The following IMPG1 variants were observed in gnomAD, a reference collection of about 807,000 sequenced individuals.
The protein encoded by IMPG1 is interphotoreceptor matrix proteoglycan of 150 kDa.
Under a neutral mutation model 92.0 loss-of-function variants are expected in IMPG1, and 85 were observed. The ratio of observed to expected loss-of-function variants is 0.92; its 90% CI spans 0.78 to 1.11. IMPG1 has a LOEUF of 1.11. IMPG1 is among the 50% of genes least tolerant of loss of function. The pLI, the probability that IMPG1 is intolerant of heterozygous loss-of-function variation, is 0.00. For synonymous variants in IMPG1, 367 were observed against 334.1 expected, an observed-to-expected ratio of 1.10 and a Z score of -1.08; for missense variants, 1,022 against 956.0, an observed-to-expected ratio of 1.07 and a Z score of -0.91.
In IMPG1 at chr6:76,042,026, A is replaced by G; in HGVS notation, c.168T>C (p.Thr56=). The G allele has an allele frequency of 6.2e-7, 1 of 1,612,842 alleles. No individual in the cohort carries two copies. Among genetic ancestry groups the G allele is most frequent in the South Asian group, 1.1e-5 (1 of 91,050 alleles). The part of the protein sequence containing the change: ...ESTEKMYKMS[T]MRRIFDLAKH... ...TTGCCAAATCGAATATTCGTCTCATAGTTGACATTTTGTACATTTTTTCAG... is the reference window on the plus strand; with the variant it reads ...TTGCCAAATCGAATATTCGTCTCATGGTTGACATTTTGTACATTTTTTCAG... The change falls in exon 2 of 17, where the codon ACT becomes ACC. Residue 56 remains threonine (T), a synonymous_variant. Transcript: ENST00000369950.
At chr6:75,926,269 A>G (rs975943167) in intron 15 of IMPG1, among the ~76,000 whole-genome samples, 6 of 152,212 alleles carry the variant, frequency 3.9e-5, no homozygotes, top group Non-Finnish European at 8.8e-5. Flanking sequence ...AGTTTGAACT[A>G]CATTAAATTG....
chr6:75,954,987 C>T (rs920149852), intron 12 of IMPG1, among the ~76,000 whole-genome samples: 1 of 152,130 alleles, frequency 6.6e-6, no homozygotes, highest in Non-Finnish European at 1.5e-5. Context: ...TGTTCTGGTA[C>T]CAGTACCATC....
At chr6:76,062,848 A>C (rs571309392) in intron 1 of IMPG1, among the ~76,000 whole-genome samples, 1 of 110,994 alleles carries the variant, frequency 9.0e-6, no homozygotes, top group Admixed American at 1.2e-4. Flanking sequence ...AATGAGTAGC[A>C]AGTTAGGTTT....
chr6:76,063,293 A>G (rs1784241101), intron 1 of IMPG1, among the ~76,000 whole-genome samples: 1 of 152,156 alleles, frequency 6.6e-6, no homozygotes, highest in South Asian at 2.1e-4. Context: ...GTTACAGTTG[A>G]ATGATTTTAC....
chr6:76,015,919 T>C (rs1296438301), intron 7 of IMPG1, among the ~76,000 whole-genome samples: 1 of 151,198 alleles, frequency 6.6e-6, no homozygotes, highest in Non-Finnish European at 1.5e-5. Flanking sequence ...CATGACATGG[T>C]GGTTAAGAGC....
At chr6:76,034,986 G>A (rs1366966655) in intron 2 of IMPG1, among the ~76,000 whole-genome samples, 199 bp from the exon 3 acceptor site, 1 of 151,830 alleles carries the variant, frequency 6.6e-6, no homozygotes, top group African/African-American at 2.4e-5. Context: ...AAGAAAATAG[G>A]GAATATTATG....
intron 1 of IMPG1, among the ~76,000 whole-genome samples, chr6:76,065,773 G>A (rs1402983906): frequency 1.3e-5 from 2 of 151,994 alleles, no homozygotes; most frequent in East Asian, 3.9e-4. Flanking sequence ...GAGATATATA[G>A]TCATCAGATT....
At chr6:75,978,396 G>A (rs1228897512) in intron 12 of IMPG1, among the ~76,000 whole-genome samples, 1 of 152,010 alleles carries the variant, frequency 6.6e-6, no homozygotes, top group Non-Finnish European at 1.5e-5. Flanking sequence ...GACGTATTTT[G>A]CTATTGTTTT....
intron 4 of IMPG1, among the ~76,000 whole-genome samples, chr6:76,026,120 A>G (rs1193676676): frequency 5.3e-5 from 8 of 151,376 alleles, no homozygotes; most frequent in Non-Finnish European, 1.0e-4. Flanking sequence ...TCTGTGCGGG[A>G]AGCACTCTAG....
At chr6:76,018,444 G>C (rs538141516) in intron 7 of IMPG1, among the ~76,000 whole-genome samples, 2 of 152,252 alleles carry the variant, frequency 1.3e-5, no homozygotes, top group South Asian at 2.1e-4. Flanking sequence ...AATATTTTTG[G>C]ACTATGGTTG....
At chr6:76,045,235 TC>T (rs1783917054) in intron 1 of IMPG1, among the ~76,000 whole-genome samples, 1 of 152,200 alleles carries the variant, frequency 6.6e-6, no homozygotes, top group Non-Finnish European at 1.5e-5. Context: ...GTTGTTTCTT[TC>T]CTCTAGGATG....
intron 1 of IMPG1, among the ~76,000 whole-genome samples, chr6:76,047,135 T>C (rs1783958286): frequency 2.0e-5 from 3 of 152,202 alleles, no homozygotes; most frequent in Admixed American, 2.0e-4. Flanking sequence ...ACTCTTCTTT[T>C]CTAACATACC....
chr6:76,063,385 G>A (rs955644683), intron 1 of IMPG1, among the ~76,000 whole-genome samples: 4 of 152,222 alleles, frequency 2.6e-5, no homozygotes, highest in Admixed American at 6.5e-5. Context: ...AAGGAAGCAA[G>A]AGGTTGTCAG....
At chr6:76,024,128 A>G (rs916550180) in intron 5 of IMPG1, among the ~76,000 whole-genome samples, 1 of 152,166 alleles carries the variant, frequency 6.6e-6, no homozygotes, top group Non-Finnish European at 1.5e-5. Flanking sequence ...TTGTCCTATT[A>G]TTAGCTACAA....
intron 12 of IMPG1, among the ~76,000 whole-genome samples, chr6:75,974,410 TTCCTTCCTTCCTTCCTTGC>T (rs1782495557): frequency 7.0e-6 from 1 of 143,342 alleles, no homozygotes; most frequent in Non-Finnish European, 1.5e-5. Context: ...CTTTCCTTCC[TTCCTTCCTTCCTTCCTTGC>T]TTCCTTCCTT....
chr6:75,957,175 C>T (rs1053317175), intron 12 of IMPG1, among the ~76,000 whole-genome samples: 4 of 152,206 alleles, frequency 2.6e-5, no homozygotes, highest in African/African-American at 9.7e-5. Flanking sequence ...GCCTCGGCTT[C>T]CCAAAGTGCT....
rs777226055 is a variant in IMPG1, at chr6:75,950,917, C to T, written c.1469G>A (p.Ser490Asn). ...TIPTSDYSAISQLALGISHPP... is the reference protein window; with the variant it reads ...TIPTSDYSAINQLALGISHPP... ...ATGTGAAATTCCCAGAGCCAGTTGG[C>T]TGATTGCAGAATAATCACTGGTGGG... Residue 490 changes from serine (S) to asparagine (N), a missense_variant, in exon 13 of 17, where the codon AGC becomes AAC. By Grantham distance (46) the Ser-to-Asn change is conservative. This residue lies in a region of IMPG1 where 681 missense variants were observed against 583.6 expected (regional missense o/e 1.17). Coordinates refer to ENST00000369950, the MANE Select transcript of IMPG1 (RefSeq NM_001563.4). 2.7e-5 allele frequency: 43 copies of T among 1,613,936 alleles called. No homozygotes were observed. The Middle Eastern group carries it at 1.2e-3, about 43-fold the overall frequency.
At chr6:76,019,685 C>CA (rs1344228956) in intron 6 of IMPG1, among the ~76,000 whole-genome samples, 1 of 152,044 alleles carries the variant, frequency 6.6e-6, no homozygotes, top group Non-Finnish European at 1.5e-5. Context: ...TTCATTCATT[C>CA]AAAAAAACAC....
intron 4 of IMPG1, among the ~76,000 whole-genome samples, chr6:76,032,100 A>G (rs1462877471): frequency 6.6e-6 from 1 of 152,224 alleles, no homozygotes; most frequent in Non-Finnish European, 1.5e-5. Flanking sequence ...CAAATTGGTA[A>G]ACATAGCTAA....
Sources: allele counts gnomAD v4.1 joint callset (sites outside exome capture counted in the v4.1 genomes callset), GRCh38; gene constraint gnomAD v4.1.1; regional missense constraint gnomAD v4.1.1; transcripts MANE v1.5; gene names NCBI Gene and HGNC (gene_info 2026-07-23, HGNC 2026-07-21).